The following GPR143 variants were observed in gnomAD, a reference collection of about 807,000 sequenced individuals.
GPR143 encodes G-protein coupled receptor 143.
In GPR143, 8 loss-of-function variants were observed where a neutral mutation model predicts 27.6. The observed-to-expected ratio is 0.29, with a 90% CI of 0.17 to 0.52. GPR143 has a LOEUF of 0.52. Among genes scored for constraint, GPR143 ranks in the 20% least tolerant of loss-of-function variants. The pLI is 0.96. For missense variants in GPR143, 303 were observed against 343.1 expected, an observed-to-expected ratio of 0.88 and a Z score of 0.92; for synonymous variants, 156 against 153.2, an observed-to-expected ratio of 1.02 and a Z score of -0.13.
intron 8 of GPR143, among the ~76,000 whole-genome samples, chrX:9,737,911 G>A (rs1026546376): frequency 9.0e-6 from 1 of 111,180 alleles, no homozygotes; most frequent in African/African-American, 3.3e-5. Context: ...CAGGTGGGAG[G>A]ATTGCTTGAG....
Position 9,749,130 on chromosome X carries a change from G to A in GPR143, c.456-464C>T, listed in dbSNP as rs549746536. ...GTTGGAGGACGGAAATGACCAGGTG[G>A]AGGTAATTGAATCATGGGGGCGGTT... is the stretch of plus-strand genomic sequence containing the variant. On this transcript the variant is annotated intron_variant, in intron 3 of 8. Coordinates refer to ENST00000467482, the MANE Select transcript of GPR143 (RefSeq NM_000273.3). Among the ~76,000 whole-genome samples, 12 of 111,938 alleles carry A rather than the reference G, an allele frequency of 1.1e-4. No homozygotes were observed. The South Asian group carries it at 3.8e-3, about 35-fold the overall frequency.
At chrX:9,774,640 G>A (rs2083565235) in intron 1 of GPR143, among the ~76,000 whole-genome samples, 1 of 38,858 alleles carries the variant, frequency 2.6e-5, no homozygotes, top group African/African-American at 8.6e-5. Flanking sequence ...ACTCCATCCT[G>A]GGGTCTCTAG....
intron 7 of GPR143, chrX:9,740,845 C>T (rs2083400450): frequency 3.5e-6 from 1 of 283,311 alleles, no homozygotes; most frequent in African/African-American, 3.0e-5. Flanking sequence ...ATCTGTGTGG[C>T]TTTTTCATGG....
chrX:9,736,083 C>T (rs1221828628), intron 8 of GPR143, among the ~76,000 whole-genome samples: 1 of 110,553 alleles, frequency 9.0e-6, no homozygotes, highest in Non-Finnish European at 1.9e-5. Context: ...GTAGGAAAAT[C>T]GGAATGACAC....
chrX:9,756,884 C>T (rs1005969750), intron 3 of GPR143, among the ~76,000 whole-genome samples: 1 of 112,537 alleles, frequency 8.9e-6, no homozygotes, highest in Non-Finnish European at 1.9e-5. Context: ...TAGATATATA[C>T]TCAGGAATAT....
At chrX:9,731,906 A>G (rs771808002) in intron 8 of GPR143, among the ~76,000 whole-genome samples, 12 of 110,875 alleles carry the variant, frequency 1.1e-4, no homozygotes, top group African/African-American at 3.9e-4. Flanking sequence ...AAGTGATGAA[A>G]TTGTGAGAAA....
intron 4 of GPR143, among the ~76,000 whole-genome samples, chrX:9,747,163 T>C (rs1419204398): frequency 9.1e-6 from 1 of 109,861 alleles, no homozygotes; most frequent in Non-Finnish European, 1.9e-5. Flanking sequence ...TAAAATTCAA[T>C]CTGGAAAGGC....
At chrX:9,766,767 C>T (rs73473813), upstream of GPR143, among the ~76,000 whole-genome samples, 521 of 109,759 alleles carry the variant, frequency 4.7e-3, 4 homozygotes, top group African/African-American at 0.017. Context: ...TGTGGTGGGG[C>T]GTGCTTGTAG....
intron 8 of GPR143, among the ~76,000 whole-genome samples, chrX:9,729,257 C>A (rs1286838210): frequency 9.0e-6 from 1 of 111,434 alleles, no homozygotes. Flanking sequence ...CAGGGTCACA[C>A]ACTGTTTATG....
intron 3 of GPR143, among the ~76,000 whole-genome samples, chrX:9,755,416 C>G (rs1473770642): frequency 1.9e-5 from 2 of 107,152 alleles, no homozygotes; most frequent in Non-Finnish European, 3.8e-5. Flanking sequence ...GAAACTCTAT[C>G]TTTTTCACCC....
chrX:9,751,584 A>G (rs146199132), intron 3 of GPR143, among the ~76,000 whole-genome samples: 2,367 of 112,448 alleles, frequency 0.021, 62 homozygotes, highest in African/African-American at 0.073. Flanking sequence ...GAAAAGCCAG[A>G]CACAAAGGGT....
At chrX:9,757,181 G>C (rs1387080258) in intron 3 of GPR143, among the ~76,000 whole-genome samples, 1 of 112,199 alleles carries the variant, frequency 8.9e-6, no homozygotes, top group African/African-American at 3.2e-5. Context: ...CCAAGATCAA[G>C]GTATAGCAGA....
Position 9,732,356 on chromosome X carries a change from G to A in GPR143, c.1121-6516C>T, listed in dbSNP as rs144808943. Among the ~76,000 whole-genome samples, 935 of 111,366 alleles carry A rather than the reference G, an allele frequency of 8.4e-3. 6 individuals are homozygous for A. Among genetic ancestry groups the A allele is most frequent in the Middle Eastern group, 0.018 (4 of 218 alleles). ...CAAGGCATTGTGGGAAAGACAGACC[G>A]GTAAGAAACATACAGGACTATGGGT... On this transcript the variant is annotated intron_variant, in intron 8 of 8. Transcript: ENST00000467482.
chrX:9,766,836 G>A (rs1185415495), upstream of GPR143, among the ~76,000 whole-genome samples: 4 of 108,644 alleles, frequency 3.7e-5, no homozygotes, highest in Admixed American at 1.0e-4. Context: ...AGTGGAGGTT[G>A]CAGTGAGCAG....
chrX:9,760,031 G>A (rs2083489215), intron 2 of GPR143, among the ~76,000 whole-genome samples: 1 of 111,950 alleles, frequency 8.9e-6, no homozygotes, highest in African/African-American at 3.2e-5. Context: ...GTGTATGTGT[G>A]TCTGTGTATA....
At chrX:9,736,793 T>C (rs1270493554) in intron 8 of GPR143, among the ~76,000 whole-genome samples, 4 of 112,728 alleles carry the variant, frequency 3.5e-5, no homozygotes, top group African/African-American at 1.3e-4. Context: ...GCTTTCCTTT[T>C]GTTCTTTCCT....
intron 3 of GPR143, among the ~76,000 whole-genome samples, chrX:9,752,549 G>A (rs980047974): frequency 1.8e-5 from 2 of 112,369 alleles, no homozygotes; most frequent in African/African-American, 6.5e-5. Context: ...TGGGTTATCT[G>A]GGTTGGGCCA....
At chrX:9,764,125 T>A (rs2083515557) in intron 1 of GPR143, among the ~76,000 whole-genome samples, 3 of 110,993 alleles carry the variant, frequency 2.7e-5, no homozygotes, top group Admixed American at 1.9e-4. Flanking sequence ...GGCAACATAG[T>A]GAGACCCCAC....
At chrX:9,764,796 G>A (rs1349258814) in intron 1 of GPR143, among the ~76,000 whole-genome samples, 2 of 111,240 alleles carry the variant, frequency 1.8e-5, no homozygotes, top group African/African-American at 3.3e-5. Context: ...GGAGGCCGAG[G>A]CGGGTGGATT....
Sources: allele counts gnomAD v4.1 joint callset (sites outside exome capture counted in the v4.1 genomes callset), GRCh38; gene constraint gnomAD v4.1.1; transcripts MANE v1.5; gene names NCBI Gene and HGNC (gene_info 2026-07-23, HGNC 2026-07-21).